Variants in PSMG2 observed in about 807,000 individuals in gnomAD.
PSMG2 encodes the protein proteasome assembly chaperone 2.
In PSMG2, 21 loss-of-function variants were observed where a neutral mutation model predicts 31.5. That is an observed-to-expected ratio of 0.67 (90% CI 0.47 to 0.96). PSMG2 has a LOEUF of 0.96. Ranked by LOEUF, PSMG2 falls within the 40% of genes least tolerant of loss-of-function variation. The pLI is 0.00. For missense variants in PSMG2, 318 were observed against 321.2 expected, an observed-to-expected ratio of 0.99 and a Z score of 0.08; for synonymous variants, 120 against 110.4, an observed-to-expected ratio of 1.09 and a Z score of -0.54.
chr18:12,690,141 T>C (rs2039700076), intron 1 of PSMG2, among the ~76,000 whole-genome samples: 1 of 152,180 alleles, frequency 6.6e-6, no homozygotes, highest in African/African-American at 2.4e-5. Context: ...CCTGATAATG[T>C]TGTTACCTTG....
intron 1 of PSMG2, among the ~76,000 whole-genome samples, chr18:12,690,380 T>C (rs1434415165): frequency 6.6e-6 from 1 of 152,172 alleles, no homozygotes; most frequent in Non-Finnish European, 1.5e-5. Flanking sequence ...AAAGCATCTG[T>C]ATGAGGCTGA....
At chr18:12,709,363 G>A (rs967889411) in intron 2 of PSMG2, among the ~76,000 whole-genome samples, 1 of 151,564 alleles carries the variant, frequency 6.6e-6, no homozygotes, top group Non-Finnish European at 1.5e-5. Context: ...GTCTCACTCC[G>A]TCACACAGGC....
At chr18:12,703,564 A>G (rs1005701389) in intron 1 of PSMG2, among the ~76,000 whole-genome samples, 11 of 152,110 alleles carry the variant, frequency 7.2e-5, no homozygotes, top group Non-Finnish European at 1.5e-4. Context: ...ATAAACATTA[A>G]CTCTTGCCGG....
rs1169303587 is a variant in PSMG2 at position 12,686,348 on chromosome 18, G to A, written c.-36-20202G>A. 4 of 1,613,920 alleles carry A rather than the reference G, an allele frequency of 2.5e-6. No individual in the cohort carries two copies. The South Asian group carries it at 4.4e-5, about 18-fold the overall frequency. The stretch of plus-strand genomic sequence containing the variant: ...ATAACAGGGGCTCGTTCATAACCAA[G>A]GACATTAACAAATCTTGCTGCTTGC... On this transcript the variant is annotated intron_variant, in intron 1 of 6. Coordinates refer to the PSMG2 transcript ENST00000585331.
At chr18:12,695,138 A>C (rs1473932773) in intron 1 of PSMG2, 3 of 473,944 alleles carry the variant, frequency 6.3e-6, no homozygotes, top group Non-Finnish European at 1.1e-5. Context: ...TTGAGTGCTA[A>C]TCTAGAAAGT....
intron 2 of PSMG2, among the ~76,000 whole-genome samples, chr18:12,709,212 A>AT (rs1473562070): frequency 1.4e-5 from 2 of 144,098 alleles, no homozygotes; most frequent in African/African-American, 5.2e-5. Flanking sequence ...CGCCCGGCTG[A>AT]TTTTTTGTAT....
intron 5 of PSMG2, among the ~76,000 whole-genome samples, chr18:12,723,347 A>G (rs1388791631): frequency 6.6e-6 from 1 of 152,114 alleles, no homozygotes; most frequent in Non-Finnish European, 1.5e-5. Context: ...TGAGGCGTTT[A>G]TAGTATGATA....
chr18:12,725,620 T>C lies in PSMG2; in HGVS notation c.*89T>C, dbSNP rs1294679833. On this transcript the variant is annotated 3_prime_UTR_variant, in exon 7 of 7. Transcript: ENST00000317615. ...TATACAAAAAAATTGTATGATCTGG[T>C]ATTAGGAAATTACTTTCACAGTAAA... 4.5e-6 allele frequency: 4 copies of C among 886,496 alleles called. No homozygotes were observed. Among genetic ancestry groups the C allele is most frequent in the Non-Finnish European group, 6.6e-6 (4 of 605,812 alleles). The allele number at this position is 886,496 out of a possible 1,614,324, so 54.9% of individuals were successfully genotyped here. A position where few individuals can be genotyped will look rare whatever the true frequency, so the allele number is the denominator to read the frequency against.
chr18:12,668,135 C>T (rs2038843075), intron 1 of PSMG2, among the ~76,000 whole-genome samples: 1 of 151,988 alleles, frequency 6.6e-6, no homozygotes, highest in Non-Finnish European at 1.5e-5. Context: ...CATGTTGGTG[C>T]AGGCCTGTAA....
intron 3 of PSMG2, among the ~76,000 whole-genome samples, chr18:12,713,981 C>T (rs1304811221): frequency 6.6e-6 from 1 of 152,030 alleles, no homozygotes; most frequent in Non-Finnish European, 1.5e-5. Context: ...CAACTCCTGC[C>T]CTCAAGTGAT....
chr18:12,661,970 G>C (rs1386059936), intron 1 of PSMG2: 1 of 254,724 alleles, frequency 3.9e-6, no homozygotes, highest in Non-Finnish European at 8.0e-6. Context: ...TTGTTTTGTT[G>C]ATTTTGTTAC....
At chr18:12,669,487 T>A (rs2038885652) in intron 1 of PSMG2, among the ~76,000 whole-genome samples, 1 of 152,052 alleles carries the variant, frequency 6.6e-6, no homozygotes. Flanking sequence ...TTCAATAGGT[T>A]CATGCTTGAC....
chr18:12,686,499 A>AT, intron 1 of PSMG2: 1 of 1,353,924 alleles, frequency 7.4e-7, no homozygotes, highest in South Asian at 1.3e-5. Context: ...ATCATCCCCA[A>AT]TTATGTTTTT....
intron 1 of PSMG2, among the ~76,000 whole-genome samples, chr18:12,680,355 G>A (rs2039300884): frequency 6.6e-6 from 1 of 151,880 alleles, no homozygotes; most frequent in Non-Finnish European, 1.5e-5. Context: ...CAGCACTTTG[G>A]GAGGCTGAGG....
intron 1 of PSMG2, among the ~76,000 whole-genome samples, chr18:12,667,616 C>G (rs1008071183): frequency 6.6e-6 from 1 of 151,654 alleles, no homozygotes; most frequent in Non-Finnish European, 1.5e-5. Context: ...CAAAAATTAG[C>G]CGGGCGTGGT....
chr18:12,722,337 C>T (rs2040438660), intron 5 of PSMG2, among the ~76,000 whole-genome samples: 1 of 152,082 alleles, frequency 6.6e-6, no homozygotes. Context: ...TGGCTTTCTG[C>T]TTGAGATACT....
At chr18:12,703,272 T>C (rs568189462) in intron 1 of PSMG2, 108 bp downstream of exon 1, 19 of 1,223,092 alleles carry the variant, frequency 1.6e-5, no homozygotes, top group Middle Eastern at 1.9e-4. Context: ...GGCACTAGTT[T>C]CTATTTCATG....
At chr18:12,674,543 A>G (rs765693566) in intron 1 of PSMG2, 8 of 1,611,672 alleles carry the variant, frequency 5.0e-6, no homozygotes, top group South Asian at 2.2e-5. Context: ...TACCGAAGAC[A>G]TGTGGCAAAT....
At chr18:12,696,401 G>A (rs1004170990) in intron 1 of PSMG2, among the ~76,000 whole-genome samples, 7 of 152,038 alleles carry the variant, frequency 4.6e-5, no homozygotes, top group African/African-American at 1.7e-4. Flanking sequence ...TACTTAGCAG[G>A]CTGAGCCAGT....
Sources: allele counts gnomAD v4.1 joint callset (sites outside exome capture counted in the v4.1 genomes callset), GRCh38; gene constraint gnomAD v4.1.1; transcripts MANE v1.5; gene names NCBI Gene and HGNC (gene_info 2026-07-23, HGNC 2026-07-21).